Variants in ANKRD30A observed in about 807,000 individuals in gnomAD.
The protein encoded by ANKRD30A is ankyrin repeat domain-containing protein 30A.
In ANKRD30A, 170 loss-of-function variants were observed where a neutral mutation model predicts 166.3. The ratio of observed to expected loss-of-function variants is 1.02; its 90% CI spans 0.90 to 1.16. The LOEUF is 1.16. ANKRD30A is among the 50% of genes most tolerant of loss of function. The pLI is 0.00. For synonymous variants in ANKRD30A, 564 were observed against 508.9 expected, an observed-to-expected ratio of 1.11 and a Z score of -1.46; for missense variants, 1,630 against 1,518.0, an observed-to-expected ratio of 1.07 and a Z score of -1.23.
At chr10:37,220,025 A>C (rs1023008805) in intron 34 of ANKRD30A, 128 bp downstream of exon 34, 3 of 134,626 alleles carry the variant, frequency 2.2e-5, no homozygotes, top group Admixed American at 9.6e-5. Flanking sequence ...ATATATATAT[A>C]TATAATATAT....
chr10:37,200,397 T>A lies in ANKRD30A; in HGVS notation c.2778+609T>A, dbSNP rs143624802. On this transcript the variant is annotated intron_variant, in intron 30 of 35. Transcript: ENST00000361713. The stretch of plus-strand genomic sequence containing the variant: ...ATTTTCACAAATGGAACTCCTTGAG[T>A]CCCTTTATGACAGTCAAGCTGCAGC... 2.6e-4 allele frequency among the ~76,000 whole-genome samples: 39 copies of A among 152,070 alleles called. 2 individuals carry two copies. The East Asian group carries it at 7.3e-3, about 29-fold the overall frequency.
chr10:37,172,976 T>C, intron 21 of ANKRD30A, among the ~76,000 whole-genome samples: 1 of 152,216 alleles, frequency 6.6e-6, no homozygotes, highest in East Asian at 1.9e-4. Context: ...AATAATAAGA[T>C]TGCTTTTTAA....
the ANKRD30A span, among the ~76,000 whole-genome samples, chr10:37,253,160 A>C: frequency 2.0e-5 from 3 of 152,202 alleles, no homozygotes; most frequent in African/African-American, 7.2e-5. Flanking sequence ...AAATAATTTC[A>C]ACTTGTATCA....
At chr10:37,220,224 A>G (rs974362702) in intron 34 of ANKRD30A, among the ~76,000 whole-genome samples, 5 of 150,470 alleles carry the variant, frequency 3.3e-5, no homozygotes, top group Non-Finnish European at 7.4e-5. Flanking sequence ...CTGTTGAAAT[A>G]AAGGTTTTAA....
the ANKRD30A span, chr10:37,248,082 A>G: frequency 1.9e-5 from 9 of 481,156 alleles, no homozygotes; most frequent in East Asian, 4.8e-5. Context: ...GTGAATTGGA[A>G]GGGCCACTCT....
chr10:37,178,699 A>C lies in ANKRD30A; in HGVS notation c.2421+2481A>C, dbSNP rs545358396. 5.3e-6 allele frequency: 4 copies of C among 756,062 alleles called. No homozygotes were observed. The East Asian group carries it at 4.8e-4, about 91-fold the overall frequency. 46.8% of individuals were successfully genotyped at this position (756,062 alleles called of 1,614,324 possible). A position where few individuals can be genotyped will look rare whatever the true frequency, so the allele number is the denominator to read the frequency against. ...GAAGGTACTACCACTCCTCAAAGTAAAAGGAAAGAGTGGGAAAAAATAATT... is the reference window on the plus strand; with the variant it reads ...GAAGGTACTACCACTCCTCAAAGTACAAGGAAAGAGTGGGAAAAAATAATT... On this transcript the variant is annotated intron_variant, in intron 24 of 35. Coordinates refer to ENST00000361713, the MANE Select transcript of ANKRD30A (RefSeq NM_052997.3).
chr10:37,138,414 C>T (rs948205995), intron 6 of ANKRD30A, among the ~76,000 whole-genome samples: 9 of 151,984 alleles, frequency 5.9e-5, no homozygotes, highest in Non-Finnish European at 1.0e-4. Context: ...AGGCTTCAGA[C>T]GATCAAACTA....
At chr10:37,190,433 G>A (rs1284317331) in intron 25 of ANKRD30A, among the ~76,000 whole-genome samples, 1 of 151,694 alleles carries the variant, frequency 6.6e-6, no homozygotes, top group Non-Finnish European at 1.5e-5. Flanking sequence ...TTTTTAGTCA[G>A]GGGAGAAGAA....
At position 37,219,559 on chromosome 10, in the gene ANKRD30A, C is replaced by A. The variant is rs1479656640; in HGVS notation, c.3847C>A (p.His1283Asn). 1 of 1,610,214 alleles carries A rather than the reference C, an allele frequency of 6.2e-7. No individual in the cohort carries two copies. The highest frequency in any genetic ancestry group is 1.7e-5 in the Admixed American group (1 of 59,590). ...ALRENTLVSE[H>N]AQRDQRETQC... ...AAGAGAAAATACATTGGTTTCAGAA[C>A]ATGCACAAAGAGACCAACGTGAAAC... The change falls in exon 34 of 36, where the codon CAT becomes AAT. Residue 1283 changes from histidine (H) to asparagine (N), a missense_variant. His to Asn is a moderately conservative substitution (Grantham distance 68). Around this residue, in one of 4 missense-constraint regions of ANKRD30A, gnomAD observed 712 missense variants for 629.3 expected, o/e 1.13. Transcript: ENST00000361713.
chr10:37,264,546 T>G, the ANKRD30A span: 3 of 467,930 alleles, frequency 6.4e-6, no homozygotes, highest in Middle Eastern at 5.2e-4. Context: ...CATCTGGCTG[T>G]CTGGGGAAGC....
rs1048882205 is a variant in ANKRD30A, at chr10:37,151,586, A to C, written c.1646-474A>C. On this transcript the variant is annotated intron_variant, in intron 11 of 35. Transcript: ENST00000361713. ...AAAGGATTGGACATATAGTTGACTA[A>C]CATCAAAAAGTTAATACTCCTAAAA... Among the ~76,000 whole-genome samples, 215 of 152,274 alleles carry C rather than the reference A, an allele frequency of 1.4e-3. 1 individual carries two copies. Among genetic ancestry groups the C allele is most frequent in the African/African-American group, 5.0e-3 (210 of 41,586 alleles).
At chr10:37,258,179 G>T in the ANKRD30A span, among the ~76,000 whole-genome samples, 3 of 152,116 alleles carry the variant, frequency 2.0e-5, no homozygotes, top group African/African-American at 7.2e-5. Context: ...GATACAAAAT[G>T]CTTATGAACA....
chr10:37,229,487 T>C (rs1278322097), intron 34 of ANKRD30A, among the ~76,000 whole-genome samples: 1 of 152,012 alleles, frequency 6.6e-6, no homozygotes, highest in Admixed American at 6.6e-5. Flanking sequence ...ACATTTATTA[T>C]TTATTTCTGT....
At chr10:37,265,267 G>T in the ANKRD30A span, among the ~76,000 whole-genome samples, 12 of 152,220 alleles carry the variant, frequency 7.9e-5, no homozygotes, top group Non-Finnish European at 1.6e-4. Context: ...ATCAAGTTTG[G>T]ATAGAAAGGA....
intron 13 of ANKRD30A, among the ~76,000 whole-genome samples, chr10:37,155,139 C>T (rs1303969726): frequency 3.9e-5 from 6 of 152,006 alleles, no homozygotes; most frequent in African/African-American, 1.5e-4. Flanking sequence ...TGTTGTTATT[C>T]ATAGGTATTT....
chr10:37,218,966 T>C lies in ANKRD30A; in HGVS notation c.3268-14T>C, dbSNP rs763932458. 7.2e-6 allele frequency: 11 copies of C among 1,526,912 alleles called. No homozygotes were observed. In the East Asian group the frequency reaches 2.5e-4, roughly 35 times the overall value. 94.6% of individuals were successfully genotyped at this position (1,526,912 alleles called of 1,614,324 possible). A position where few individuals can be genotyped will look rare whatever the true frequency, so the allele number is the denominator to read the frequency against. On this transcript the variant is annotated splice_polypyrimidine_tract_variant and intron_variant, in intron 33 of 35. Coordinates refer to ENST00000361713, the MANE Select transcript of ANKRD30A (RefSeq NM_052997.3). ...TATTGAGTGCTAGCTAAAAGTTTAT[T>C]TTGTTTTATTTAGGTTTCTCACACT...
In ANKRD30A at chr10:37,127,914, T is replaced by G. The variant is rs188849453; in HGVS notation, c.221+1906T>G. Among the ~76,000 whole-genome samples, 19 of 152,232 alleles carry G rather than the reference T, an allele frequency of 1.2e-4. No individual in the cohort carries two copies. The East Asian group carries it at 3.7e-3, about 29-fold the overall frequency. The stretch of plus-strand genomic sequence containing the variant: ...ATCAATTCTATTATACTAAAATATT[T>G]TTAGAAAATAATGAAACATACATGC... On this transcript the variant is annotated intron_variant, in intron 1 of 35. Coordinates refer to ENST00000361713, the MANE Select transcript of ANKRD30A (RefSeq NM_052997.3).
chr10:37,243,566 T>C, the ANKRD30A span, among the ~76,000 whole-genome samples: 1 of 152,132 alleles, frequency 6.6e-6, no homozygotes, highest in Non-Finnish European at 1.5e-5. Context: ...CCTGTCTCCT[T>C]TCATGCTTAG....
chr10:37,196,128 T>A (rs180697750), intron 27 of ANKRD30A, among the ~76,000 whole-genome samples: 62 of 149,162 alleles, frequency 4.2e-4, no homozygotes, highest in Middle Eastern at 3.5e-3. Flanking sequence ...AGAAGCATTC[T>A]AGGCAGGTAA....
Sources: allele counts gnomAD v4.1 joint callset (sites outside exome capture counted in the v4.1 genomes callset), GRCh38; gene constraint gnomAD v4.1.1; regional missense constraint gnomAD v4.1.1; transcripts MANE v1.5; gene names NCBI Gene and HGNC (gene_info 2026-07-23, HGNC 2026-07-21).